The following TRAPPC9 variants were observed in gnomAD, a reference collection of about 807,000 sequenced individuals.
TRAPPC9 encodes IKK2 binding protein.
Under a neutral mutation model 124.0 loss-of-function variants are expected in TRAPPC9, and 83 were observed. That is an observed-to-expected ratio of 0.67 (90% confidence interval 0.56 to 0.80). The LOEUF (loss-of-function observed/expected upper bound fraction) is 0.80, where lower values mean the gene tolerates loss of function less well. Among genes scored for constraint, TRAPPC9 ranks in the 30% least tolerant of loss-of-function variants. The pLI is 0.00. For synonymous variants in TRAPPC9, 638 were observed against 617.5 expected, an observed-to-expected ratio of 1.03 and a Z score of -0.49; for missense variants, 1,302 against 1,508.3, an observed-to-expected ratio of 0.86 and a Z score of 2.27.
intron 17 of TRAPPC9, among the ~76,000 whole-genome samples, chr8:140,081,127 C>T (rs79776292): frequency 0.07 from 10,578 of 152,134 alleles, 437 homozygotes; most frequent in African/African-American, 0.1. Context: ...GCCATCTATC[C>T]CCAGTGCGTC....
At chr8:140,394,372 A>T (rs577534636) in intron 7 of TRAPPC9, among the ~76,000 whole-genome samples, 1 of 152,314 alleles carries the variant, frequency 6.6e-6, no homozygotes, top group Admixed American at 6.5e-5. Context: ...TCGCAGAGTC[A>T]CTTTATGGGG....
rs754444715 is a variant in TRAPPC9 at position 140,311,346 on chromosome 8, C to G, written c.1524G>C (p.Glu508Asp). The change falls in exon 10 of 23, where the codon GAG becomes GAC. Residue 508 changes from glutamate to aspartate, a missense_variant. Transcript: ENST00000438773. Reference protein sequence around the residue: ...QEKKDVAQSLENYTSKCPGTM... With the variant: ...QEKKDVAQSLDNYTSKCPGTM... ...TCCCAGGACACTTGGACGTATAGTT[C>G]TCTAGGCTTTGGGCCACATCTTTCT... The G allele has an allele frequency of 2.2e-5, 35 of 1,613,874 alleles. 1 individual carries two copies. In the South Asian group the frequency reaches 2.5e-4, roughly 12 times the overall value.
chr8:140,314,642 T>C lies in TRAPPC9; in HGVS notation c.1496-3268A>G, dbSNP rs1366408165. ...ACTCTTCTAACCTCTATTCTGCTAATTCCATGAGACAAACGTTTAAAAATT... is the reference window on the plus strand; with the variant it reads ...ACTCTTCTAACCTCTATTCTGCTAACTCCATGAGACAAACGTTTAAAAATT... On this transcript the variant is annotated intron_variant, in intron 9 of 22. Coordinates refer to ENST00000438773, the MANE Select transcript of TRAPPC9 (RefSeq NM_001160372.4). Among the ~76,000 whole-genome samples, 3 of 152,208 alleles carry C rather than the reference T, an allele frequency of 2.0e-5. No homozygotes were observed. The East Asian group carries it at 5.8e-4, about 29-fold the overall frequency.
At chr8:140,065,543 G>A (rs1190894330) in intron 17 of TRAPPC9, among the ~76,000 whole-genome samples, 1 of 152,160 alleles carries the variant, frequency 6.6e-6, no homozygotes, top group Non-Finnish European at 1.5e-5. Flanking sequence ...TGCAGCTGGT[G>A]ACTTGAATTT....
intron 21 of TRAPPC9, among the ~76,000 whole-genome samples, chr8:139,840,693 T>C (rs1384205635): frequency 3.9e-5 from 6 of 152,250 alleles, no homozygotes; most frequent in African/African-American, 7.2e-5. Context: ...AGCAATGCAG[T>C]GGCACAGTCC....
chr8:140,246,415 T>C (rs1219508315), intron 16 of TRAPPC9, among the ~76,000 whole-genome samples: 1 of 152,242 alleles, frequency 6.6e-6, no homozygotes, highest in Non-Finnish European at 1.5e-5. Context: ...TCGGACACTG[T>C]ACAAGGCTAG....
At chr8:140,013,054 G>A (rs1015027980) in intron 18 of TRAPPC9, among the ~76,000 whole-genome samples, 1 of 152,154 alleles carries the variant, frequency 6.6e-6, no homozygotes, top group Non-Finnish European at 1.5e-5. Context: ...AGGGCTGAGC[G>A]GGCCACACAG....
At chr8:140,266,728 T>C (rs983597298) in intron 15 of TRAPPC9, among the ~76,000 whole-genome samples, 21 of 149,426 alleles carry the variant, frequency 1.4e-4, no homozygotes, top group East Asian at 3.9e-4. Context: ...GGCGTGGTGG[T>C]GGGTGCCTGT....
intron 9 of TRAPPC9, among the ~76,000 whole-genome samples, chr8:140,334,033 C>T (rs2066967701): frequency 6.6e-6 from 1 of 152,206 alleles, no homozygotes; most frequent in Non-Finnish European, 1.5e-5. Flanking sequence ...CCATTGTTTA[C>T]AGATGAGAGA....
At chr8:140,411,780 T>C (rs561751791) in intron 5 of TRAPPC9, among the ~76,000 whole-genome samples, 22 of 151,536 alleles carry the variant, frequency 1.5e-4, no homozygotes, top group Admixed American at 1.4e-3. Context: ...TAAAGAATAA[T>C]AGCAATGGAT....
At chr8:139,773,218 G>T (rs1202634660) in intron 21 of TRAPPC9, among the ~76,000 whole-genome samples, 1 of 152,256 alleles carries the variant, frequency 6.6e-6, no homozygotes, top group Non-Finnish European at 1.5e-5. Context: ...GCGCGCCCAG[G>T]TCTCTGCCTC....
chr8:139,823,231 TTTGA>T (rs1825375931), intron 21 of TRAPPC9, among the ~76,000 whole-genome samples: 2 of 152,030 alleles, frequency 1.3e-5, no homozygotes, highest in Admixed American at 1.3e-4. Context: ...TGGGAGGAGC[TTTGA>T]TTGTCACAGG....
At chr8:140,375,859 C>T (rs1417538538) in intron 7 of TRAPPC9, among the ~76,000 whole-genome samples, 1 of 152,074 alleles carries the variant, frequency 6.6e-6, no homozygotes, top group Non-Finnish European at 1.5e-5. Context: ...GCCTGGTGGC[C>T]GCACTCAACT....
intron 1 of TRAPPC9, among the ~76,000 whole-genome samples, chr8:140,454,878 T>C (rs2071597879): frequency 6.7e-6 from 1 of 149,350 alleles, no homozygotes; most frequent in Non-Finnish European, 1.5e-5. Context: ...AGGAGGAGGT[T>C]ACAGTGAACT....
intron 21 of TRAPPC9, among the ~76,000 whole-genome samples, chr8:139,810,917 A>G (rs1044969457): frequency 1.3e-5 from 2 of 152,200 alleles, no homozygotes; most frequent in Non-Finnish European, 2.9e-5. Flanking sequence ...CCAGTCAGCC[A>G]TCCTGCCCAA....
At chr8:139,823,522 T>A (rs1292449224) in intron 21 of TRAPPC9, among the ~76,000 whole-genome samples, 1 of 152,114 alleles carries the variant, frequency 6.6e-6, no homozygotes, top group Non-Finnish European at 1.5e-5. Flanking sequence ...CATCAGAGAC[T>A]CTGGCAGGGT....
intron 21 of TRAPPC9, among the ~76,000 whole-genome samples, chr8:139,747,638 G>T (rs1438841140): frequency 1.2e-4 from 3 of 25,404 alleles, no homozygotes; most frequent in Non-Finnish European, 1.4e-4. Flanking sequence ...GATGCAGGGG[G>T]TATACACAGC....
intron 1 of TRAPPC9, among the ~76,000 whole-genome samples, chr8:140,453,571 T>C (rs375493390): frequency 9.4e-5 from 10 of 106,950 alleles, no homozygotes; most frequent in African/African-American, 2.8e-4. Context: ...TAGAGAAGTA[T>C]GAACAAAATT....
chr8:140,360,760 G>A (rs1480969599), intron 8 of TRAPPC9, among the ~76,000 whole-genome samples: 1 of 152,132 alleles, frequency 6.6e-6, no homozygotes, highest in African/African-American at 2.4e-5. Flanking sequence ...AAGAGATGAG[G>A]TCTTTCTCTG....
Sources: gnomAD v4.1 joint callset for allele counts (sites outside exome capture counted in the v4.1 genomes callset) on GRCh38, gnomAD v4.1.1 for gene constraint, MANE v1.5 for transcripts, NCBI Gene and HGNC (gene_info 2026-07-23, HGNC 2026-07-21) for gene names.